The following ADAMTSL2 variants were observed in gnomAD, a reference collection of about 807,000 sequenced individuals.
ADAMTSL2 encodes ADAMTS like 2.
Under a neutral mutation model 117.0 loss-of-function variants are expected in ADAMTSL2, and 55 were observed. The ratio of observed to expected loss-of-function variants is 0.47; its 90% CI spans 0.38 to 0.59. The LOEUF (loss-of-function observed/expected upper bound fraction) is 0.59, where lower values mean the gene tolerates loss of function less well. Among genes scored for constraint, ADAMTSL2 ranks in the 20% least tolerant of loss-of-function variants. The pLI is 0.00. For synonymous variants in ADAMTSL2, 572 were observed against 566.4 expected (o/e 1.01, Z -0.14); for missense variants, 1,182 against 1,354.5 (o/e 0.87, Z 2.00).
chr9:133,574,341 G>A (rs1049726497), intron 18 of ADAMTSL2, among the ~76,000 whole-genome samples: 4 of 152,210 alleles, frequency 2.6e-5, no homozygotes, highest in Non-Finnish European at 5.9e-5. Context: ...TGGCACACAG[G>A]GGGCAGGGAG....
At chr9:133,539,725 T>C in intron 4 of ADAMTSL2, 46 bp from the exon 5 acceptor site, 1 of 1,188,042 alleles carries the variant, frequency 8.4e-7, no homozygotes. Flanking sequence ...AATGCCTTTG[T>C]CGGGCCGAGT....
intron 9 of ADAMTSL2, among the ~76,000 whole-genome samples, chr9:133,548,701 G>C (rs1208945473): frequency 2.0e-5 from 3 of 152,080 alleles, no homozygotes; most frequent in African/African-American, 2.4e-5. Flanking sequence ...TGCCCCTTGT[G>C]GGGGGCATGA....
Position 133,568,438 on chromosome 9 carries a change from C to T in ADAMTSL2, c.2040C>T (p.Cys680=). ...EAVRPEERKT[C]RNPACGPQWE... ...TGCGGCCCGAGGAACGCAAGACCTG[C>T]CGGAACCCCGCCTGCGGGCCCCAGT... Residue 680 remains cysteine (C), a synonymous_variant, in exon 14 of 19, where the codon TGC becomes TGT. Transcript: ENST00000651351. 6.2e-7 allele frequency: 1 copy of T among 1,608,768 alleles called. No individual in the cohort carries two copies. The highest frequency in any genetic ancestry group is 8.5e-7 in the Non-Finnish European group (1 of 1,178,422).
In ADAMTSL2 at chr9:133,568,633, G is replaced by A; in HGVS notation, c.2119G>A (p.Val707Met). The change falls in exon 15 of 19, where the codon GTG (valine) becomes ATG (methionine). Residue 707 changes from valine to methionine, a missense_variant. Physicochemically the swap from Val to Met is conservative, Grantham distance 21 (BLOSUM62 1). This residue lies in a region of ADAMTSL2 where 465 missense variants were observed against 565.3 expected (regional missense o/e 0.82). Coordinates refer to ENST00000651351, the MANE Select transcript of ADAMTSL2 (RefSeq NM_014694.4). ...TGCCAAGTGTGGGGAGCGCAGTGTG[G>A]TGACCAGGGACATCCGCTGCTCGGA... ...CTAKCGERSV[V>M]TRDIRCSEDE... 6.2e-7 allele frequency: 1 copy of A among 1,612,266 alleles called. No individual in the cohort carries two copies. The highest frequency in any genetic ancestry group is 8.5e-7 in the Non-Finnish European group (1 of 1,179,738).
At chr9:133,542,344 A>C (rs1380806621) in intron 7 of ADAMTSL2, among the ~76,000 whole-genome samples, 3 of 152,176 alleles carry the variant, frequency 2.0e-5, no homozygotes, top group Admixed American at 1.3e-4. Context: ...GGAGCCGCTA[A>C]GGTGTCTGAT....
chr9:133,540,317 G>A (rs892046138), intron 5 of ADAMTSL2, among the ~76,000 whole-genome samples: 16 of 152,210 alleles, frequency 1.1e-4, no homozygotes, highest in Non-Finnish European at 2.1e-4. Context: ...CAGGGGTGTC[G>A]AGTTGGCTCA....
intron 4 of ADAMTSL2, among the ~76,000 whole-genome samples, chr9:133,539,327 G>A (rs1431960948): frequency 6.6e-6 from 1 of 152,188 alleles, no homozygotes; most frequent in Non-Finnish European, 1.5e-5. Flanking sequence ...CCTCTTTATG[G>A]AGTCAGGACC....
At position 133,572,250 on chromosome 9, in the gene ADAMTSL2, ACACT is replaced by A. The variant is rs1477348925; in HGVS notation, c.2593-1586_2593-1583del. Among the ~76,000 whole-genome samples, 12 of 145,962 alleles carry A rather than the reference ACACT, an allele frequency of 8.2e-5. No individual in the cohort carries two copies. The South Asian group carries it at 1.1e-3, about 14-fold the overall frequency. On this transcript the variant is annotated intron_variant, in intron 17 of 18. Coordinates refer to ENST00000651351, the MANE Select transcript of ADAMTSL2 (RefSeq NM_014694.4). ...CATGCTTGTTCAGGAGGGAGAACAC[ACACT>A]CACTCATTCCCTGTTGCCCACCAAA...
At chr9:133,562,365 G>A (rs991142420) in intron 12 of ADAMTSL2, among the ~76,000 whole-genome samples, 36 of 152,380 alleles carry the variant, frequency 2.4e-4, no homozygotes, top group Non-Finnish European at 3.1e-4. Flanking sequence ...TAGCCATGGG[G>A]CATGCTGTGT....
chr9:133,563,853 GA>G (rs1830817453), intron 12 of ADAMTSL2, among the ~76,000 whole-genome samples: 1 of 91,164 alleles, frequency 1.1e-5, no homozygotes, highest in African/African-American at 4.5e-5. Flanking sequence ...GGGAGAGAGA[GA>G]GAGAGAGAGG....
chr9:133,556,326 A>G (rs559863782), intron 11 of ADAMTSL2, among the ~76,000 whole-genome samples: 4 of 152,136 alleles, frequency 2.6e-5, no homozygotes, highest in South Asian at 2.1e-4. Context: ...TGGGGTTGCT[A>G]TTTGCTATTG....
chr9:133,536,677 G>C lies in ADAMTSL2; in HGVS notation c.-36G>C. 6.2e-7 allele frequency: 1 copy of C among 1,614,180 alleles called. No homozygotes were observed. The stretch of plus-strand genomic sequence containing the variant: ...CCTGGTCATCTGGAAGAGGATCGGA[G>C]CTGGCCTGGTGGTGACAGTGGCCTT... On this transcript the variant is annotated 5_prime_UTR_variant, in exon 2 of 19. Transcript: ENST00000651351.
rs1830585210 is a variant in ADAMTSL2 at position 133,555,560 on chromosome 9, C to T, written c.1279C>T (p.Arg427Cys). 5 of 1,612,988 alleles carry T rather than the reference C, an allele frequency of 3.1e-6. No individual in the cohort carries two copies. Among genetic ancestry groups the T allele is most frequent in the Non-Finnish European group, 2.5e-6 (3 of 1,180,016 alleles). The change falls in exon 11 of 19, where the codon CGC becomes TGC. Residue 427 changes from arginine to cysteine, a missense_variant and splice_region_variant. Around this residue, in one of 3 missense-constraint regions of ADAMTSL2, gnomAD observed 345 missense variants for 325.8 expected, o/e 1.06. Coordinates refer to ENST00000651351, the MANE Select transcript of ADAMTSL2 (RefSeq NM_014694.4). ...GPPRGKGFRD[R>C]NVTGTPLTGD... ...TGAGCCACCTGTCTCCTCTCCAGACCGCAACGTCACGGGGACTCCTCTCAC... is the reference window on the plus strand; with the variant it reads ...TGAGCCACCTGTCTCCTCTCCAGACTGCAACGTCACGGGGACTCCTCTCAC...
rs768152956 is a variant in ADAMTSL2, at chr9:133,564,119, GGA to G, written c.1748-2796_1748-2795del. ...GAGAGAGAGAGAGAGAGAAAAAGGG[GGA>G]GAGAGAGAGAGAGAGAGAGAAAGGG... On this transcript the variant is annotated intron_variant, in intron 12 of 18. Coordinates refer to ENST00000651351, the MANE Select transcript of ADAMTSL2 (RefSeq NM_014694.4). Among the ~76,000 whole-genome samples, 7 of 15,326 alleles carry G rather than the reference GGA, an allele frequency of 4.6e-4. 1 individual carries two copies. The highest frequency in any genetic ancestry group is 6.6e-4 in the Non-Finnish European group (5 of 7,584). 10.1% of individuals were successfully genotyped at this position (15,326 alleles called of 152,430 possible). A position where few individuals can be genotyped will look rare whatever the true frequency, so the allele number is the denominator to read the frequency against.
chr9:133,547,460 C>T (rs1830378592), intron 9 of ADAMTSL2, among the ~76,000 whole-genome samples: 1 of 152,244 alleles, frequency 6.6e-6, no homozygotes, highest in Non-Finnish European at 1.5e-5. Flanking sequence ...TCCAGTCTCC[C>T]ATTCACTCAT....
chr9:133,540,854 C>T (rs1367316284), intron 6 of ADAMTSL2, 24 bp from the exon 7 acceptor site: 14 of 1,613,240 alleles, frequency 8.7e-6, no homozygotes, highest in East Asian at 2.2e-5. Context: ...CTCCCAGCAG[C>T]CCTCTCCCTC....
intron 11 of ADAMTSL2, among the ~76,000 whole-genome samples, chr9:133,556,911 G>C (rs756450243): frequency 9.9e-5 from 15 of 152,198 alleles, no homozygotes; most frequent in Non-Finnish European, 1.8e-4. Context: ...GGTCCCCACA[G>C]TTTCTCCCAG....
At chr9:133,533,882 A>G (rs1829989278), upstream of ADAMTSL2, among the ~76,000 whole-genome samples, 1 of 152,034 alleles carries the variant, frequency 6.6e-6, no homozygotes, top group Non-Finnish European at 1.5e-5. Context: ...GGCTCTGGGG[A>G]AGCTGGTGTG....
Position 133,560,076 on chromosome 9 carries a change from A to C in ADAMTSL2, c.1650-1122A>C, listed in dbSNP as rs1830691642. Among the ~76,000 whole-genome samples the C allele has an allele frequency of 7.2e-5, 11 of 152,304 alleles. No homozygotes were observed. In the South Asian group the frequency reaches 2.3e-3, roughly 32 times the overall value. Reference sequence around the variant, plus strand: ...TAAACTCCCCATTCAATCCAAACCCATGTCTGTATCACGGAGTCAATCTGA... The same window carrying C: ...TAAACTCCCCATTCAATCCAAACCCCTGTCTGTATCACGGAGTCAATCTGA... On this transcript the variant is annotated intron_variant, in intron 11 of 18. Transcript: ENST00000651351.
Sources: gnomAD v4.1 joint callset for allele counts (sites outside exome capture counted in the v4.1 genomes callset) on GRCh38, gnomAD v4.1.1 for gene constraint, gnomAD v4.1.1 regional missense constraint, MANE v1.5 for transcripts, NCBI Gene and HGNC (gene_info 2026-07-23, HGNC 2026-07-21) for gene names.